DLGAP3: variants seen among roughly 807,000 people sequenced by gnomAD.
DLGAP3 encodes DLG associated protein 3.
DLGAP3 carries 17 observed loss-of-function variants against 81.2 expected under a neutral mutation model. The ratio of observed to expected loss-of-function variants is 0.21; its 90% CI spans 0.14 to 0.31. The LOEUF (loss-of-function observed/expected upper bound fraction) is 0.31. Ranked by LOEUF, DLGAP3 falls within the 10% of genes least tolerant of loss-of-function variation. DLGAP3 has a pLI of 1.00. For synonymous variants in DLGAP3, 577 were observed against 587.4 expected (o/e 0.98, Z 0.26); for missense variants, 1,124 against 1,388.0 (o/e 0.81, Z 3.02).
chr1:34,892,964 A>G (rs1313634627), intron 5 of DLGAP3, among the ~76,000 whole-genome samples: 2 of 151,674 alleles, frequency 1.3e-5, no homozygotes, highest in African/African-American at 4.8e-5. Context: ...TGAGGTCAGG[A>G]GATCGAGACC....
intron 5 of DLGAP3, among the ~76,000 whole-genome samples, chr1:34,890,831 G>A (rs1486047805): frequency 6.6e-6 from 1 of 152,214 alleles, no homozygotes; most frequent in Non-Finnish European, 1.5e-5. Flanking sequence ...CTGATCCACA[G>A]AAACTGTGAG....
At chr1:34,898,184 G>T (rs528903984) in intron 5 of DLGAP3, among the ~76,000 whole-genome samples, 8 of 152,324 alleles carry the variant, frequency 5.3e-5, no homozygotes, top group Admixed American at 2.6e-4. Context: ...CATGAGCCCA[G>T]ACAAGATCAC....
chr1:34,916,339 T>A (rs993079884), intron 1 of DLGAP3, among the ~76,000 whole-genome samples: 2 of 152,192 alleles, frequency 1.3e-5, no homozygotes, highest in African/African-American at 4.8e-5. Flanking sequence ...AAGCACTGAA[T>A]ACATTGAATA....
At chr1:34,886,826 C>T (rs1639239203) in intron 5 of DLGAP3, among the ~76,000 whole-genome samples, 1 of 149,196 alleles carries the variant, frequency 6.7e-6, no homozygotes, top group Non-Finnish European at 1.5e-5. Context: ...TATATATATA[C>T]ACTACATGTA....
intron 1 of DLGAP3, among the ~76,000 whole-genome samples, chr1:34,911,792 G>A (rs901293618): frequency 3.9e-5 from 6 of 152,170 alleles, no homozygotes; most frequent in Non-Finnish European, 8.8e-5. Context: ...TGTGTAATTC[G>A]CCAGGAGGTT....
chr1:34,922,899 A>C (rs1206957956), intron 1 of DLGAP3, among the ~76,000 whole-genome samples: 3 of 152,034 alleles, frequency 2.0e-5, no homozygotes, highest in Admixed American at 2.0e-4. Context: ...TATCAATGAG[A>C]TATACCCACT....
intron 8 of DLGAP3, among the ~76,000 whole-genome samples, chr1:34,869,839 G>A (rs1317931937): frequency 1.3e-5 from 2 of 152,184 alleles, no homozygotes; most frequent in African/African-American, 4.8e-5. Flanking sequence ...GCACTAGAGT[G>A]TCCTCAGCTC....
intron 8 of DLGAP3, among the ~76,000 whole-genome samples, chr1:34,870,203 T>A (rs1638958670): frequency 6.6e-6 from 1 of 152,216 alleles, no homozygotes; most frequent in South Asian, 2.1e-4. Context: ...GTTTTCATTT[T>A]TTCCCTGAAT....
At chr1:34,924,385 A>C (rs1332377719) in intron 1 of DLGAP3, among the ~76,000 whole-genome samples, 3 of 152,034 alleles carry the variant, frequency 2.0e-5, no homozygotes, top group Non-Finnish European at 4.4e-5. Flanking sequence ...TTCCTCCCCA[A>C]CAAAAGTCTC....
rs578135021 is a variant in DLGAP3 at position 34,919,680 on chromosome 1, T to C, written c.-135+9771A>G. On this transcript the variant is annotated intron_variant, in intron 1 of 11. Coordinates refer to ENST00000373347, the MANE Select transcript of DLGAP3 (RefSeq NM_001080418.3). ...CTGTAATCCCAGCTACTCAGGAGGCTGAGACAGGGGAATCGCTTGAAAGCA... is the reference window on the plus strand; with the variant it reads ...CTGTAATCCCAGCTACTCAGGAGGCCGAGACAGGGGAATCGCTTGAAAGCA... Among the ~76,000 whole-genome samples, 9 of 152,244 alleles carry C rather than the reference T, an allele frequency of 5.9e-5. No individual in the cohort carries two copies. The South Asian group carries it at 1.9e-3, about 32-fold the overall frequency.
chr1:34,868,577 G>A lies in DLGAP3; in HGVS notation c.2485+28C>T, dbSNP rs774185272. The A allele has an allele frequency of 1.9e-6, 3 of 1,593,134 alleles. No homozygotes were observed. The highest frequency in any genetic ancestry group is 1.7e-6 in the Non-Finnish European group (2 of 1,163,308). On this transcript the variant is annotated intron_variant, in intron 9 of 11. Transcript: ENST00000373347. The surrounding 1 kb of genome is among the most constrained non-coding windows in gnomAD (Gnocchi z 7.5). ...CACACACGAGGCCATGGTCCCCAGA[G>A]TCCCCTTGTTCCGATGCCGTGACTC...
chr1:34,889,846 C>T (rs944819826), intron 5 of DLGAP3, among the ~76,000 whole-genome samples: 1 of 152,130 alleles, frequency 6.6e-6, no homozygotes, highest in Non-Finnish European at 1.5e-5. Flanking sequence ...CTGTGTGAGC[C>T]AATGCTGCAA....
intron 1 of DLGAP3, among the ~76,000 whole-genome samples, chr1:34,912,863 T>A (rs772331488): frequency 6.6e-6 from 1 of 152,224 alleles, no homozygotes; most frequent in African/African-American, 2.4e-5. Context: ...TGCCCATGGA[T>A]AGGCATCCCT....
In DLGAP3 at chr1:34,895,087, G is replaced by T. The variant is rs924370736; in HGVS notation, c.1386+4582C>A. 2.6e-5 allele frequency among the ~76,000 whole-genome samples: 4 copies of T among 152,062 alleles called. No homozygotes were observed. Among genetic ancestry groups the T allele is most frequent in the African/African-American group, 9.7e-5 (4 of 41,418 alleles). The stretch of plus-strand genomic sequence containing the variant: ...ATAATAAAAATTAAAAGTAAAATAG[G>T]CCAGGAGCATTGGCTCATGCCTGTA... On this transcript the variant is annotated intron_variant, in intron 5 of 11. Coordinates refer to ENST00000373347, the MANE Select transcript of DLGAP3 (RefSeq NM_001080418.3). The surrounding 1 kb of genome is among the most constrained non-coding windows in gnomAD (Gnocchi z 4.5).
chr1:34,866,393 G>A (rs1638878949), intron 11 of DLGAP3, 92 bp from the exon 12 acceptor site: 1 of 1,109,718 alleles, frequency 9.0e-7, no homozygotes, highest in Non-Finnish European at 1.2e-6. Context: ...GAGTGCTGAC[G>A]ACCGCGTGGC....
Position 34,885,491 on chromosome 1 carries a change from G to A in DLGAP3, c.1901C>T (p.Ser634Phe). Residue 634 changes from serine (S) to phenylalanine (F), a missense_variant, in exon 7 of 12, where the codon TCC becomes TTC. This residue lies in a region of DLGAP3 where 379 missense variants were observed against 455.7 expected (regional missense o/e 0.83). Transcript: ENST00000373347. ...CCCGTTCCATACCTGCACCCCAATG[G>A]ACGGCCGCCACTTCCGCTGCCGCGC... ...SLARQRKWRPSIGVQVETISD... is the reference protein window; with the variant it reads ...SLARQRKWRPFIGVQVETISD... The A allele has an allele frequency of 1.2e-6, 2 of 1,606,532 alleles. No individual in the cohort carries two copies. Among genetic ancestry groups the A allele is most frequent in the Non-Finnish European group, 1.7e-6 (2 of 1,179,756 alleles).
rs186757672 is a variant in DLGAP3, at chr1:34,923,306, G to A, written c.-135+6145C>T. On this transcript the variant is annotated intron_variant, in intron 1 of 11. Transcript: ENST00000373347. ...TTTCTTCCCTAGAGGGGAGCTTCAT[G>A]ATCAGTGAATCCCTCCCTTCCCAGC... Among the ~76,000 whole-genome samples, 5 of 152,290 alleles carry A rather than the reference G, an allele frequency of 3.3e-5. No homozygotes were observed. In the East Asian group the frequency reaches 9.7e-4, roughly 29 times the overall value.
intron 1 of DLGAP3, among the ~76,000 whole-genome samples, chr1:34,927,542 G>C (rs371261986): frequency 6.6e-6 from 1 of 152,164 alleles, no homozygotes; most frequent in African/African-American, 2.4e-5. Flanking sequence ...GGGCAGTGGC[G>C]GGTGGGAGAT....
rs369774845 is a variant in DLGAP3 at position 34,906,020 on chromosome 1, A to T, written c.-51-586T>A. Among the ~76,000 whole-genome samples the T allele has an allele frequency of 4.3e-4, 52 of 119,732 alleles. 1 individual carries two copies. The highest frequency in any genetic ancestry group is 6.7e-4 in the Non-Finnish European group (36 of 53,784). The allele number at this position is 119,732 out of a possible 152,430, so 78.5% of individuals were successfully genotyped here. ...AGCGAGACCTGGCCTCTAAATTTAT[A>T]TATATATATATATTTGTTTGTTTTT... On this transcript the variant is annotated intron_variant, in intron 2 of 11. Coordinates refer to ENST00000373347, the MANE Select transcript of DLGAP3 (RefSeq NM_001080418.3).
Sources: gnomAD v4.1 joint callset for allele counts (sites outside exome capture counted in the v4.1 genomes callset) on GRCh38, gnomAD v4.1.1 for gene constraint, gnomAD v4.1.1 regional missense constraint, Gnocchi (gnomAD v3.1) non-coding constraint, MANE v1.5 for transcripts, NCBI Gene and HGNC (gene_info 2026-07-23, HGNC 2026-07-21) for gene names.